ATP8A2: variants seen among roughly 807,000 people sequenced by gnomAD.
ATP8A2 encodes the protein ATPase phospholipid transporting 8A2.
Under a neutral mutation model 165.6 loss-of-function variants are expected in ATP8A2, and 100 were observed. The ratio of observed to expected loss-of-function variants is 0.60; its 90% CI spans 0.51 to 0.71. The LOEUF (loss-of-function observed/expected upper bound fraction) is 0.71, where lower values mean the gene tolerates loss of function less well. Among genes scored for constraint, ATP8A2 ranks in the 30% least tolerant of loss-of-function variants. ATP8A2 has a pLI of 0.00. For missense variants in ATP8A2, 1,227 were observed against 1,479.5 expected, an observed-to-expected ratio of 0.83 and a Z score of 2.80; for synonymous variants, 543 against 548.8, an observed-to-expected ratio of 0.99 and a Z score of 0.15.
chr13:25,595,514 G>A (rs2040213196), intron 24 of ATP8A2, among the ~76,000 whole-genome samples: 2 of 152,076 alleles, frequency 1.3e-5, no homozygotes. Flanking sequence ...CTCTTGCCCT[G>A]GTTCCTCAGC....
chr13:25,989,378 A>G lies in ATP8A2; in HGVS notation c.3377+20699A>G, dbSNP rs1047397744. 3.3e-5 allele frequency among the ~76,000 whole-genome samples: 5 copies of G among 152,228 alleles called. 1 individual carries two copies. In the South Asian group the frequency reaches 1.0e-3, roughly 32 times the overall value. ...TCATATCAGAGATATCAATGATTCA[A>G]ACTGGATCCAAATCTTCCTAAGCTC... is the stretch of plus-strand genomic sequence containing the variant. On this transcript the variant is annotated intron_variant, in intron 35 of 36. Transcript: ENST00000381655.
intron 33 of ATP8A2, among the ~76,000 whole-genome samples, chr13:25,874,977 T>C (rs1173585764): frequency 6.6e-6 from 1 of 152,084 alleles, no homozygotes; most frequent in Non-Finnish European, 1.5e-5. Flanking sequence ...TAATTAAGAA[T>C]TGAGGACATT....
chr13:25,893,735 T>A (rs1953450694), intron 33 of ATP8A2, among the ~76,000 whole-genome samples: 1 of 152,206 alleles, frequency 6.6e-6, no homozygotes, highest in Admixed American at 6.5e-5. Context: ...TTTTGAATGA[T>A]CACCATTCTA....
intron 1 of ATP8A2, among the ~76,000 whole-genome samples, chr13:25,379,428 G>A (rs556037724): frequency 2.0e-5 from 3 of 152,208 alleles, no homozygotes; most frequent in African/African-American, 7.2e-5. Flanking sequence ...CTTTTTTCAC[G>A]GTCATGATAT....
intron 2 of ATP8A2, among the ~76,000 whole-genome samples, chr13:25,512,487 G>T (rs890703356): frequency 2.0e-5 from 3 of 151,868 alleles, no homozygotes; most frequent in Non-Finnish European, 4.4e-5. Context: ...TCTCCCGGAC[G>T]GGGCGGCTGG....
At chr13:25,403,240 C>G (rs2033695670) in intron 1 of ATP8A2, among the ~76,000 whole-genome samples, 1 of 152,172 alleles carries the variant, frequency 6.6e-6, no homozygotes, top group Non-Finnish European at 1.5e-5. Context: ...TCACCAGACA[C>G]TGAATCTGCA....
At chr13:25,714,513 C>T (rs545623698) in intron 25 of ATP8A2, among the ~76,000 whole-genome samples, 58 of 152,352 alleles carry the variant, frequency 3.8e-4, no homozygotes, top group African/African-American at 1.4e-3. Context: ...TCTGTCTCCA[C>T]CCAACAGAAT....
At chr13:25,778,547 T>C (rs1001871700) in intron 27 of ATP8A2, among the ~76,000 whole-genome samples, 21 of 152,352 alleles carry the variant, frequency 1.4e-4, no homozygotes, top group African/African-American at 5.1e-4. Context: ...AAACCGCTAG[T>C]TTCACTTCCT....
intron 24 of ATP8A2, among the ~76,000 whole-genome samples, chr13:25,611,083 A>G (rs1397635683): frequency 6.6e-6 from 1 of 152,050 alleles, no homozygotes; most frequent in Non-Finnish European, 1.5e-5. Flanking sequence ...TGATCATATC[A>G]TCAGCAAACA....
chr13:25,413,747 A>G (rs1187025627), intron 1 of ATP8A2, among the ~76,000 whole-genome samples: 1 of 152,178 alleles, frequency 6.6e-6, no homozygotes, highest in African/African-American at 2.4e-5. Flanking sequence ...AAGGAGGTGC[A>G]GGACAAAGGT....
chr13:25,924,685 G>A (rs947353063), intron 33 of ATP8A2, among the ~76,000 whole-genome samples: 6 of 152,092 alleles, frequency 3.9e-5, no homozygotes, highest in African/African-American at 1.4e-4. Context: ...TTTCATTGAG[G>A]TATGATATGG....
rs371860602 is a variant in ATP8A2, at chr13:25,554,863, A to G, written c.1186-128A>G. The G allele has an allele frequency of 1.4e-4, 85 of 593,602 alleles. 2 individuals carry two copies. In the South Asian group the frequency reaches 1.9e-3, roughly 13 times the overall value. 36.8% of individuals were successfully genotyped at this position (593,602 alleles called of 1,614,324 possible). ...GCATGAGCCACTGCGCCCAGCCAAA[A>G]TCAGCATTTCTATTAAAATAAAAGG... is the stretch of plus-strand genomic sequence containing the variant. On this transcript the variant is annotated intron_variant, in intron 12 of 36. Transcript: ENST00000381655.
At chr13:25,451,779 A>G (rs1481426038) in intron 1 of ATP8A2, among the ~76,000 whole-genome samples, 1 of 151,970 alleles carries the variant, frequency 6.6e-6, no homozygotes, top group Non-Finnish European at 1.5e-5. Context: ...CACTGGGTTC[A>G]GTTTTCAGAA....
At chr13:25,959,722 T>A (rs1356423221) in intron 33 of ATP8A2, among the ~76,000 whole-genome samples, 1 of 152,218 alleles carries the variant, frequency 6.6e-6, no homozygotes, top group Non-Finnish European at 1.5e-5. Flanking sequence ...TTACTTTAAT[T>A]GCTTGCATGG....
At chr13:25,517,221 T>C (rs892839972) in intron 2 of ATP8A2, 1 of 150,528 alleles carries the variant, frequency 6.6e-6, no homozygotes, top group Non-Finnish European at 1.5e-5. Context: ...GTGTTCTATG[T>C]TTTTAAAGTT....
At chr13:25,578,685 G>T in intron 20 of ATP8A2, 130 bp from the exon 21 acceptor site, 1 of 696,434 alleles carries the variant, frequency 1.4e-6, no homozygotes. Flanking sequence ...CCAGCCAAAT[G>T]CTAAATTCCT....
At chr13:25,493,573 C>A (rs537562127) in intron 2 of ATP8A2, among the ~76,000 whole-genome samples, 22 of 152,294 alleles carry the variant, frequency 1.4e-4, no homozygotes, top group Admixed American at 9.8e-4. Flanking sequence ...CATCAGTTGT[C>A]ATCACGTTGA....
At chr13:25,560,155 C>T (rs2039099595) in intron 15 of ATP8A2, among the ~76,000 whole-genome samples, 1 of 151,900 alleles carries the variant, frequency 6.6e-6, no homozygotes, top group Non-Finnish European at 1.5e-5. Flanking sequence ...CATTTCTCAC[C>T]TGCCTATTTT....
In ATP8A2 at chr13:25,828,154, A is replaced by C; in HGVS notation, c.2716A>C (p.Ile906Leu). Residue 906 changes from isoleucine to leucine, a missense_variant, in exon 28 of 37, where the codon ATT (isoleucine) becomes CTT (leucine). Ile to Leu is a conservative substitution (Grantham distance 5, BLOSUM62 2). Coordinates refer to ENST00000381655, the MANE Select transcript of ATP8A2 (RefSeq NM_016529.6). ...FAFVNGFSGQ[I>L]LFERWCIGLY... ...CTTTGTTAATGGATTTTCTGGGCAG[A>C]TTTTATTTGAACGTTGGTGCATCGG... is the stretch of plus-strand genomic sequence containing the variant. 1 of 1,614,116 alleles carries C rather than the reference A, an allele frequency of 6.2e-7. No homozygotes were observed. The highest frequency in any genetic ancestry group is 8.5e-7 in the Non-Finnish European group (1 of 1,179,994).
Sources: allele counts gnomAD v4.1 joint callset (sites outside exome capture counted in the v4.1 genomes callset), GRCh38; gene constraint gnomAD v4.1.1; transcripts MANE v1.5; gene names NCBI Gene and HGNC (gene_info 2026-07-23, HGNC 2026-07-21).